The following XKR4 variants were observed in gnomAD, a reference collection of about 807,000 sequenced individuals.
XKR4 encodes XK-related protein 4.
Under a neutral mutation model 53.9 loss-of-function variants are expected in XKR4, and 12 were observed. The observed-to-expected ratio is 0.22, with a 90% CI of 0.14 to 0.36. The LOEUF is 0.36. XKR4 is among the 10% of genes least tolerant of loss of function. XKR4 has a pLI of 1.00. For missense variants in XKR4, 799 were observed against 859.5 expected (o/e 0.93, Z 0.88); for synonymous variants, 354 against 362.4 (o/e 0.98, Z 0.26).
chr8:55,115,826 A>G (rs1816298011), intron 1 of XKR4, among the ~76,000 whole-genome samples: 1 of 152,204 alleles, frequency 6.6e-6, no homozygotes, highest in Non-Finnish European at 1.5e-5. Flanking sequence ...TTGCAGAACC[A>G]ATCTCTAAGA....
chr8:55,393,711 G>T (rs1194894168), intron 2 of XKR4, among the ~76,000 whole-genome samples: 1 of 152,198 alleles, frequency 6.6e-6, no homozygotes, highest in Non-Finnish European at 1.5e-5. Flanking sequence ...AAGTCATCAA[G>T]CTGGCTACTA....
rs1056946590 is a variant in XKR4 at position 55,539,075 on chromosome 8, A to T, written c.*14848A>T. ...AAAACAACATCAGAGAATATCCTGT[A>T]CAACTTCCCCAAAAGTGACAAGTTT... On this transcript the variant is annotated 3_prime_UTR_variant, in exon 3 of 3. Transcript: ENST00000327381. 1 of 152,238 alleles carries T rather than the reference A, an allele frequency of 6.6e-6. No individual in the cohort carries two copies. The highest frequency in any genetic ancestry group is 1.9e-4 in the East Asian group (1 of 5,200). 9.4% of individuals were successfully genotyped at this position (152,238 alleles called of 1,614,324 possible). A position where few individuals can be genotyped will look rare whatever the true frequency, so the allele number is the denominator to read the frequency against.
chr8:55,448,979 C>T (rs1207087452), intron 2 of XKR4, among the ~76,000 whole-genome samples: 1 of 151,998 alleles, frequency 6.6e-6, no homozygotes, highest in Admixed American at 6.5e-5. Context: ...TTGCATTGAA[C>T]TCTTCCAGTA....
chr8:55,379,594 C>T (rs1563336571), intron 2 of XKR4, among the ~76,000 whole-genome samples: 1 of 152,208 alleles, frequency 6.6e-6, no homozygotes, highest in East Asian at 1.9e-4. Flanking sequence ...TGGGGCATTG[C>T]AGCATTTCCC....
chr8:55,411,285 T>G (rs1488986320), intron 2 of XKR4, among the ~76,000 whole-genome samples: 4 of 152,178 alleles, frequency 2.6e-5, no homozygotes, highest in Non-Finnish European at 5.9e-5. Flanking sequence ...GAGATGAGGA[T>G]CATAACTGAT....
chr8:55,352,889 A>G (rs1803745876), intron 1 of XKR4, among the ~76,000 whole-genome samples: 1 of 152,230 alleles, frequency 6.6e-6, no homozygotes, highest in Non-Finnish European at 1.5e-5. Context: ...TGTAAGTAGT[A>G]AAGGCCGAAA....
intron 1 of XKR4, among the ~76,000 whole-genome samples, chr8:55,106,914 G>A (rs1389533488): frequency 1.3e-5 from 2 of 152,100 alleles, no homozygotes; most frequent in African/African-American, 4.8e-5. Flanking sequence ...TGTGTCCCAT[G>A]TTCAAATAAG....
At chr8:55,167,506 C>T (rs1334117406) in intron 1 of XKR4, among the ~76,000 whole-genome samples, 1 of 152,116 alleles carries the variant, frequency 6.6e-6, no homozygotes, top group African/African-American at 2.4e-5. Flanking sequence ...ACCCAGGACC[C>T]CAAATAACCA....
At chr8:55,231,443 G>A (rs1438970656) in intron 1 of XKR4, among the ~76,000 whole-genome samples, 1 of 152,138 alleles carries the variant, frequency 6.6e-6, no homozygotes, top group East Asian at 1.9e-4. Context: ...AACGTATACT[G>A]TTGTTTTTGC....
intron 1 of XKR4, among the ~76,000 whole-genome samples, chr8:55,292,418 A>G (rs1415493902): frequency 6.6e-6 from 1 of 151,982 alleles, no homozygotes; most frequent in African/African-American, 2.4e-5. Flanking sequence ...GTTTCATCTT[A>G]GTTGTCAGAT....
chr8:55,375,136 G>A (rs551028212), intron 2 of XKR4, among the ~76,000 whole-genome samples: 25 of 152,360 alleles, frequency 1.6e-4, no homozygotes, highest in South Asian at 2.1e-4. Flanking sequence ...TTCACACAGC[G>A]TGTGGCCTTG....
At chr8:55,508,040 A>C (rs146093582) in intron 2 of XKR4, among the ~76,000 whole-genome samples, 192 of 152,274 alleles carry the variant, frequency 1.3e-3, no homozygotes, top group African/African-American at 4.4e-3. Flanking sequence ...TGAATGTGGA[A>C]TTGGTCATTT....
chr8:55,492,656 T>C (rs1183051855), intron 2 of XKR4, among the ~76,000 whole-genome samples: 6 of 152,272 alleles, frequency 3.9e-5, no homozygotes. Flanking sequence ...TTAATTCTTC[T>C]GTCTACTCAC....
rs773553271 is a variant in XKR4 at position 55,534,456 on chromosome 8, C to T, written c.*10229C>T. Reference sequence around the variant, plus strand: ...TGGCACAATCTCGGCTCACTGCAAGCTCTGCCTCCCAGGTTCACACCATCC... The same window carrying T: ...TGGCACAATCTCGGCTCACTGCAAGTTCTGCCTCCCAGGTTCACACCATCC... On this transcript the variant is annotated 3_prime_UTR_variant, in exon 3 of 3. Transcript: ENST00000327381. The T allele has an allele frequency of 2.9e-5, 4 of 138,204 alleles. No homozygotes were observed. The highest frequency in any genetic ancestry group is 4.5e-5 in the Non-Finnish European group (3 of 66,170). 8.6% of individuals were successfully genotyped at this position (138,204 alleles called of 1,614,324 possible).
chr8:55,335,975 A>G (rs930326289), intron 1 of XKR4, among the ~76,000 whole-genome samples: 14 of 150,900 alleles, frequency 9.3e-5, no homozygotes, highest in Non-Finnish European at 1.2e-4. Context: ...GATTATCTGC[A>G]TCCTAACTGC....
intron 1 of XKR4, among the ~76,000 whole-genome samples, chr8:55,200,757 T>C (rs1468204926): frequency 6.6e-6 from 1 of 152,238 alleles, no homozygotes; most frequent in Admixed American, 6.5e-5. Context: ...TGCTTGACTA[T>C]ACATGAGATA....
At position 55,165,695 on chromosome 8, in the gene XKR4, T is replaced by C. The variant is rs372099407; in HGVS notation, c.806+62401T>C. On this transcript the variant is annotated intron_variant, in intron 1 of 2. Coordinates refer to ENST00000327381, the MANE Select transcript of XKR4 (RefSeq NM_052898.2). ...TGGCGGGTGCCTGTAGTCCCAGCTATGTGGGAGGCTGAGGGAGGAGAATGG... is the reference window on the plus strand; with the variant it reads ...TGGCGGGTGCCTGTAGTCCCAGCTACGTGGGAGGCTGAGGGAGGAGAATGG... Among the ~76,000 whole-genome samples the C allele has an allele frequency of 4.8e-4, 72 of 150,396 alleles. 1 individual carries two copies. The highest frequency in any genetic ancestry group is 1.7e-3 in the African/African-American group (68 of 40,858).
intron 2 of XKR4, among the ~76,000 whole-genome samples, chr8:55,467,925 T>G (rs1805806847): frequency 6.6e-6 from 1 of 152,190 alleles, no homozygotes; most frequent in Non-Finnish European, 1.5e-5. Context: ...TTTCTTTCAG[T>G]GTCTTAAAAA....
intron 2 of XKR4, chr8:55,450,074 A>G (rs1805411606): frequency 5.4e-6 from 4 of 737,774 alleles, no homozygotes; most frequent in East Asian, 2.8e-5. Context: ...TCAAGGCGCC[A>G]TGCAGCCTTC....
Sources: gnomAD v4.1 joint callset for allele counts (sites outside exome capture counted in the v4.1 genomes callset) on GRCh38, gnomAD v4.1.1 for gene constraint, MANE v1.5 for transcripts, NCBI Gene and HGNC (gene_info 2026-07-23, HGNC 2026-07-21) for gene names.